The following XIRP2 variants were observed in gnomAD, a reference collection of about 807,000 sequenced individuals.
XIRP2 encodes xin actin-binding repeat-containing protein 2.
A neutral mutation model predicts 277.0 loss-of-function variants in XIRP2; 236 were observed. That is an observed-to-expected ratio of 0.85 (90% CI 0.77 to 0.95). The LOEUF is 0.95. Ranked by LOEUF, XIRP2 falls within the 40% of genes least tolerant of loss-of-function variation. The probability of loss-of-function intolerance (pLI) is 0.00; values close to 1 mark genes in which losing one functional copy is unlikely to be tolerated. For missense variants in XIRP2, 4,640 were observed against 4,157.5 expected, an observed-to-expected ratio of 1.12 and a Z score of -3.19; for synonymous variants, 1,490 against 1,416.5, an observed-to-expected ratio of 1.05 and a Z score of -1.17.
chr2:166,893,053 G>A (rs1297581272), intron 1 of XIRP2, among the ~76,000 whole-genome samples: 1 of 151,502 alleles, frequency 6.6e-6, no homozygotes, highest in African/African-American at 2.4e-5. Flanking sequence ...TGATTCTAGA[G>A]AGGGTTTGCG....
chr2:167,217,873 C>A (rs896797975), intron 4 of XIRP2, among the ~76,000 whole-genome samples: 4 of 152,182 alleles, frequency 2.6e-5, no homozygotes, highest in Admixed American at 6.5e-5. Context: ...AAATACCGTG[C>A]AATCTAATAG....
intron 3 of XIRP2, among the ~76,000 whole-genome samples, chr2:167,149,938 T>C (rs188803477): frequency 5.9e-5 from 9 of 151,918 alleles, no homozygotes; most frequent in Non-Finnish European, 1.0e-4. Context: ...AATTTAAAAT[T>C]AGGCAAAGTA....
At chr2:166,997,276 A>T (rs1267865887) in intron 2 of XIRP2, among the ~76,000 whole-genome samples, 1 of 152,196 alleles carries the variant, frequency 6.6e-6, no homozygotes, top group Non-Finnish European at 1.5e-5. Context: ...GACTGTCATG[A>T]ACCTTATAGG....
intron 2 of XIRP2, among the ~76,000 whole-genome samples, chr2:166,970,787 T>G (rs1324587529): frequency 6.6e-6 from 1 of 151,944 alleles, no homozygotes; most frequent in African/African-American, 2.4e-5. Context: ...ATATTTTCCT[T>G]TGATATCTTG....
Position 167,258,551 on chromosome 2 carries a change from G to A in XIRP2, c.*734G>A, listed in dbSNP as rs1425980103. 1 of 1,613,040 alleles carries A rather than the reference G, an allele frequency of 6.2e-7. No homozygotes were observed. The highest frequency in any genetic ancestry group is 8.5e-7 in the Non-Finnish European group (1 of 1,179,508). ...CAACAATAATGTGATTGTGCAGAGT[G>A]CTGAAAAGGAGAAAAATGAAAAAAC... is the stretch of plus-strand genomic sequence containing the variant. On this transcript the variant is annotated 3_prime_UTR_variant, in exon 11 of 11. Coordinates refer to ENST00000409195, the MANE Select transcript of XIRP2 (RefSeq NM_152381.6).
chr2:166,941,308 G>T (rs1245676372), intron 2 of XIRP2, among the ~76,000 whole-genome samples: 1 of 152,202 alleles, frequency 6.6e-6, no homozygotes, highest in Non-Finnish European at 1.5e-5. Flanking sequence ...ACGGTATTAG[G>T]CTGGGAGTGA....
chr2:166,996,804 CAT>C (rs925982518), intron 2 of XIRP2, among the ~76,000 whole-genome samples: 47 of 152,180 alleles, frequency 3.1e-4, no homozygotes, highest in African/African-American at 1.0e-3. Flanking sequence ...AACACACACA[CAT>C]AAACTCACCT....
At chr2:167,052,956 G>A (rs1038022405) in intron 2 of XIRP2, among the ~76,000 whole-genome samples, 4 of 152,170 alleles carry the variant, frequency 2.6e-5, no homozygotes, top group Admixed American at 2.0e-4. Context: ...CACACTTTCT[G>A]TTGGTAATGC....
In XIRP2 at chr2:167,214,133, G is replaced by GCAA. The variant is rs1559023877; in HGVS notation, c.723+3238_723+3239insCAA. 1.3e-3 allele frequency among the ~76,000 whole-genome samples: 159 copies of GCAA among 120,900 alleles called. 6 individuals carry two copies. Among genetic ancestry groups the GCAA allele is most frequent in the African/African-American group, 4.8e-3 (133 of 27,454 alleles). The allele number at this position is 120,900 out of a possible 152,430, so 79.3% of individuals were successfully genotyped here. ...AGGAAGGAAGGAAGGAAGGAAGGAA[G>GCAA]GAAGCAAAGAGAAAGAGAAAGAAGG... On this transcript the variant is annotated intron_variant, in intron 4 of 10. Coordinates refer to ENST00000409195, the MANE Select transcript of XIRP2 (RefSeq NM_152381.6).
intron 3 of XIRP2, among the ~76,000 whole-genome samples, chr2:167,149,342 T>C (rs6755389): frequency 0.1 from 15,234 of 152,158 alleles, 830 homozygotes; most frequent in South Asian, 0.16. Flanking sequence ...TAGATAAAGT[T>C]CCAGTGAGAA....
chr2:166,940,469 C>T (rs1685674029), intron 2 of XIRP2, among the ~76,000 whole-genome samples: 1 of 152,212 alleles, frequency 6.6e-6, no homozygotes, highest in African/African-American at 2.4e-5. Flanking sequence ...CTCCATCCAG[C>T]TTTGTTCTGT....
At chr2:167,172,084 C>G (rs2105349608) in intron 3 of XIRP2, among the ~76,000 whole-genome samples, 1 of 152,180 alleles carries the variant, frequency 6.6e-6, no homozygotes, top group South Asian at 2.1e-4. Context: ...TCTATTTTCC[C>G]TAAGTGTTGG....
chr2:167,118,773 G>A (rs1381372522), intron 2 of XIRP2, among the ~76,000 whole-genome samples: 4 of 151,938 alleles, frequency 2.6e-5, no homozygotes, highest in African/African-American at 7.3e-5. Flanking sequence ...AGCCTATTAC[G>A]GCACCACAAA....
intron 2 of XIRP2, among the ~76,000 whole-genome samples, chr2:166,927,738 G>A (rs1335949182): frequency 7.2e-5 from 11 of 152,048 alleles, no homozygotes. Flanking sequence ...GCCATGTGTG[G>A]CCACATATTC....
chr2:167,239,625 C>T (rs1694995839), intron 5 of XIRP2, among the ~76,000 whole-genome samples: 1 of 152,146 alleles, frequency 6.6e-6, no homozygotes, highest in South Asian at 2.1e-4. Context: ...TGATACCTGC[C>T]AACACCCAGG....
At chr2:167,006,643 A>G (rs1687511418) in intron 2 of XIRP2, among the ~76,000 whole-genome samples, 1 of 151,792 alleles carries the variant, frequency 6.6e-6, no homozygotes. Flanking sequence ...AGAGAAGAAC[A>G]TGTAAAATCC....
intron 2 of XIRP2, among the ~76,000 whole-genome samples, chr2:167,092,510 T>C (rs1048508943): frequency 1.3e-5 from 2 of 152,132 alleles, no homozygotes; most frequent in Non-Finnish European, 2.9e-5. Context: ...AGTATTTTTT[T>C]CTGGGTGGCA....
chr2:167,089,242 A>G (rs1232161252), intron 2 of XIRP2, among the ~76,000 whole-genome samples: 1 of 152,170 alleles, frequency 6.6e-6, no homozygotes, highest in Non-Finnish European at 1.5e-5. Flanking sequence ...CTTTTCCAAT[A>G]GCAAAGACAA....
chr2:167,242,413 T>C (rs1210724356), intron 8 of XIRP2, among the ~76,000 whole-genome samples, 156 bp from the exon 9 acceptor site: 1 of 152,184 alleles, frequency 6.6e-6, no homozygotes, highest in East Asian at 1.9e-4. Context: ...ATATTGACTA[T>C]TATTCCTAAG....
Sources: gnomAD v4.1 joint callset for allele counts (sites outside exome capture counted in the v4.1 genomes callset) on GRCh38, gnomAD v4.1.1 for gene constraint, MANE v1.5 for transcripts, NCBI Gene and HGNC (gene_info 2026-07-23, HGNC 2026-07-21) for gene names.